LTBP1: variants seen among roughly 807,000 people sequenced by gnomAD.
LTBP1 encodes the protein latent-transforming growth factor beta-binding protein 1.
Under a neutral mutation model 207.6 loss-of-function variants are expected in LTBP1, and 129 were observed. The ratio of observed to expected loss-of-function variants is 0.62; its 90% CI spans 0.54 to 0.72. The LOEUF (loss-of-function observed/expected upper bound fraction) is 0.72, where lower values mean the gene tolerates loss of function less well. LTBP1 is among the 30% of genes least tolerant of loss of function. The probability of loss-of-function intolerance (pLI) is 0.00; values close to 1 mark genes in which losing one functional copy is unlikely to be tolerated. For missense variants in LTBP1, 2,281 were observed against 2,217.2 expected (o/e 1.03, Z -0.58); for synonymous variants, 963 against 833.7 (o/e 1.16, Z -2.67).
intron 5 of LTBP1, among the ~76,000 whole-genome samples, chr2:33,158,885 G>A (rs1425096385): frequency 1.3e-5 from 2 of 152,172 alleles, no homozygotes; most frequent in Non-Finnish European, 2.9e-5. Context: ...AGTTCAAAAT[G>A]ATGCACAGAG....
chr2:33,259,704 A>T (rs1224405446), intron 13 of LTBP1, 94 bp downstream of exon 13: 2 of 1,186,200 alleles, frequency 1.7e-6, no homozygotes, highest in Non-Finnish European at 2.4e-6. Context: ...TAAATATAGT[A>T]ACATCTCTAT....
At chr2:33,318,584 A>AT (rs919184198) in intron 24 of LTBP1, among the ~76,000 whole-genome samples, 2 of 152,118 alleles carry the variant, frequency 1.3e-5, no homozygotes, top group Admixed American at 6.5e-5. Flanking sequence ...TACACAGGAT[A>AT]TTTTTTTCAA....
intron 24 of LTBP1, among the ~76,000 whole-genome samples, chr2:33,337,461 C>G (rs981256282): frequency 1.3e-5 from 2 of 152,206 alleles, no homozygotes; most frequent in African/African-American, 2.4e-5. Flanking sequence ...AAATTCACAT[C>G]AGGGATCGAT....
At chr2:33,087,518 TGGG>T (rs780628623) in intron 3 of LTBP1, among the ~76,000 whole-genome samples, 152 of 152,310 alleles carry the variant, frequency 1.0e-3, no homozygotes, top group Non-Finnish European at 1.5e-3. Flanking sequence ...TGTTTTAAGA[TGGG>T]GGAATTTATT....
At chr2:33,335,073 A>G (rs1357078723) in intron 24 of LTBP1, among the ~76,000 whole-genome samples, 2 of 151,798 alleles carry the variant, frequency 1.3e-5, no homozygotes, top group South Asian at 2.1e-4. Context: ...CAGTGAGAGC[A>G]TGGCACTGCT....
At chr2:32,995,892 A>G (rs1220688195) in intron 2 of LTBP1, among the ~76,000 whole-genome samples, 1 of 152,206 alleles carries the variant, frequency 6.6e-6, no homozygotes, top group Non-Finnish European at 1.5e-5. Flanking sequence ...TAAAGGAGGT[A>G]TCATTTTCCC....
At chr2:33,160,013 G>A (rs988557875) in intron 5 of LTBP1, among the ~76,000 whole-genome samples, 1 of 151,982 alleles carries the variant, frequency 6.6e-6, no homozygotes, top group African/African-American at 2.4e-5. Context: ...GCTCGAGCTG[G>A]GATCATAGGC....
At chr2:33,052,864 A>G (rs2076811641) in intron 3 of LTBP1, among the ~76,000 whole-genome samples, 1 of 132,590 alleles carries the variant, frequency 7.5e-6, no homozygotes, top group African/African-American at 2.7e-5. Context: ...ATCAAAATAT[A>G]GTTTTTAAAA....
chr2:33,125,375 C>A lies in LTBP1; in HGVS notation c.1034-9418C>A, dbSNP rs919120466. Among the ~76,000 whole-genome samples the A allele has an allele frequency of 2.6e-5, 4 of 152,124 alleles. No individual in the cohort carries two copies. In the South Asian group the frequency reaches 8.3e-4, roughly 32 times the overall value. The stretch of plus-strand genomic sequence containing the variant: ...TCTGCAGCCTAGTAGGCACTCAGTC[C>A]TTGTCTCTCGAGTCTGCCATTCATG... On this transcript the variant is annotated intron_variant, in intron 4 of 33. Coordinates refer to ENST00000404816, the MANE Select transcript of LTBP1 (RefSeq NM_206943.4).
chr2:33,135,124 A>C, intron 5 of LTBP1, among the ~76,000 whole-genome samples, 164 bp downstream of exon 5: 1 of 152,178 alleles, frequency 6.6e-6, no homozygotes, highest in East Asian at 1.9e-4. Context: ...CTTTTGGAAT[A>C]ATTTTTAACC....
At chr2:33,079,004 G>T (rs7583652) in intron 3 of LTBP1, among the ~76,000 whole-genome samples, 13,677 of 151,512 alleles carry the variant, frequency 0.09, 650 homozygotes, top group Middle Eastern at 0.13. Context: ...GATTACAGGC[G>T]CACACCACCA....
intron 24 of LTBP1, among the ~76,000 whole-genome samples, chr2:33,341,489 A>G (rs1408334467): frequency 2.0e-5 from 3 of 152,006 alleles, no homozygotes; most frequent in Non-Finnish European, 2.9e-5. Context: ...AGGCGGGCAG[A>G]TCACGAGGTC....
At chr2:33,020,800 G>GT (rs1381268527) in intron 2 of LTBP1, 109 bp from the exon 3 acceptor site, 58 of 1,124,594 alleles carry the variant, frequency 5.2e-5, no homozygotes, top group South Asian at 3.9e-4. Flanking sequence ...TATTTGTGTG[G>GT]TTTTTTATTG....
At chr2:33,074,891 A>G (rs891372844) in intron 3 of LTBP1, among the ~76,000 whole-genome samples, 13 of 105,474 alleles carry the variant, frequency 1.2e-4, no homozygotes, top group Non-Finnish European at 2.1e-4. Context: ...AAAAAAAAAA[A>G]AAAAAGCACG....
chr2:33,306,111 T>TAAAG (rs2094087528), intron 22 of LTBP1, among the ~76,000 whole-genome samples: 1 of 152,164 alleles, frequency 6.6e-6, no homozygotes, highest in African/African-American at 2.4e-5. Context: ...TGAAGACAGA[T>TAAAG]AAAGGCCTTG....
intron 2 of LTBP1, among the ~76,000 whole-genome samples, chr2:32,966,709 G>T (rs1285228857): frequency 6.6e-6 from 1 of 152,096 alleles, no homozygotes; most frequent in Non-Finnish European, 1.5e-5. Context: ...GACCAAACTT[G>T]CATACCTGGG....
chr2:33,178,070 C>T (rs2086240645), intron 5 of LTBP1, among the ~76,000 whole-genome samples: 2 of 152,208 alleles, frequency 1.3e-5, no homozygotes, highest in African/African-American at 2.4e-5. Context: ...TGTCCCTCAG[C>T]CACCTCATTT....
chr2:33,305,824 A>C (rs188484247), intron 22 of LTBP1, among the ~76,000 whole-genome samples: 65 of 152,280 alleles, frequency 4.3e-4, no homozygotes, highest in African/African-American at 1.5e-3. Flanking sequence ...CAAGAGAAGA[A>C]AGTGTTTCAA....
At chr2:33,387,656 C>T (rs988002391) in intron 31 of LTBP1, among the ~76,000 whole-genome samples, 1 of 151,996 alleles carries the variant, frequency 6.6e-6, no homozygotes, top group African/African-American at 2.4e-5. Flanking sequence ...ACCTTTGATT[C>T]GTCACCCTCA....
Sources: gnomAD v4.1 joint callset for allele counts (sites outside exome capture counted in the v4.1 genomes callset) on GRCh38, gnomAD v4.1.1 for gene constraint, MANE v1.5 for transcripts, NCBI Gene and HGNC (gene_info 2026-07-23, HGNC 2026-07-21) for gene names.